The following MYO18B variants were observed in gnomAD, a reference collection of about 807,000 sequenced individuals.
The protein encoded by MYO18B is unconventional myosin-XVIIIb.
MYO18B carries 204 observed loss-of-function variants against 273.0 expected under a neutral mutation model. That is an observed-to-expected ratio of 0.75 (90% confidence interval 0.67 to 0.84). The LOEUF (loss-of-function observed/expected upper bound fraction) is 0.84. Among genes scored for constraint, MYO18B ranks in the 40% least tolerant of loss-of-function variants. MYO18B has a pLI of 0.00. For synonymous variants in MYO18B, 1,330 were observed against 1,305.7 expected, an observed-to-expected ratio of 1.02 and a Z score of -0.40; for missense variants, 3,212 against 3,287.6, an observed-to-expected ratio of 0.98 and a Z score of 0.56.
intron 42 of MYO18B, among the ~76,000 whole-genome samples, chr22:26,017,895 T>C (rs1202808929): frequency 6.6e-6 from 1 of 151,870 alleles, no homozygotes; most frequent in Non-Finnish European, 1.5e-5. Context: ...ATTAACATCT[T>C]GCATTACTCC....
Position 25,835,361 on chromosome 22 carries a change from A to C in MYO18B, c.3126A>C (p.Glu1042Asp), listed in dbSNP as rs1253367606. ...ARGLFWVLDE[E>D]VHVEGSSDSV... ...GCCTTTTCTGGGTCTTAGATGAGGA[A>C]GTCCATGTAGAGGGCTCCAGTGACA... The change falls in exon 17 of 44, where the codon GAA (glutamate) becomes GAC (aspartate). Residue 1042 changes from glutamate (E) to aspartate (D), a missense_variant. Glu to Asp is a conservative substitution (Grantham distance 45, BLOSUM62 2). Coordinates refer to ENST00000335473, the MANE Select transcript of MYO18B (RefSeq NM_032608.7). The C allele has an allele frequency of 6.2e-7, 1 of 1,613,980 alleles. No homozygotes were observed. Among genetic ancestry groups the C allele is most frequent in the Non-Finnish European group, 8.5e-7 (1 of 1,179,878 alleles).
intron 22 of MYO18B, among the ~76,000 whole-genome samples, chr22:25,873,053 C>G (rs2091090997): frequency 6.6e-6 from 1 of 152,140 alleles, no homozygotes; most frequent in African/African-American, 2.4e-5. Context: ...CCAGAGCTAC[C>G]CTTGCGCATT....
chr22:25,778,460 A>G (rs981575728), intron 8 of MYO18B, among the ~76,000 whole-genome samples: 2 of 152,000 alleles, frequency 1.3e-5, no homozygotes, highest in Non-Finnish European at 2.9e-5. Flanking sequence ...ACCAGGCCCT[A>G]TTCTAAGGAT....
At chr22:26,023,001 C>T (rs1376227473) in intron 42 of MYO18B, among the ~76,000 whole-genome samples, 1 of 152,234 alleles carries the variant, frequency 6.6e-6, no homozygotes, top group Admixed American at 6.5e-5. Context: ...TCGCCATGGA[C>T]CCCAGCCTAT....
intron 24 of MYO18B, among the ~76,000 whole-genome samples, chr22:25,877,614 A>G (rs1440164059): frequency 6.6e-6 from 1 of 152,084 alleles, no homozygotes; most frequent in Non-Finnish European, 1.5e-5. Context: ...GATCTCAGGC[A>G]TGCACCACCA....
chr22:25,746,676 A>T (rs980480683), intron 1 of MYO18B, among the ~76,000 whole-genome samples: 1 of 152,226 alleles, frequency 6.6e-6, no homozygotes, highest in African/African-American at 2.4e-5. Context: ...GCTGTCCAAC[A>T]TGGTAGCCAT....
the MYO18B span, among the ~76,000 whole-genome samples, chr22:26,053,991 A>T: frequency 6.6e-6 from 1 of 152,180 alleles, no homozygotes; most frequent in African/African-American, 2.4e-5. Flanking sequence ...ACACTGATGA[A>T]AAAGTCTAGG....
chr22:26,041,514 A>G, the MYO18B span, among the ~76,000 whole-genome samples: 1 of 152,180 alleles, frequency 6.6e-6, no homozygotes, highest in Non-Finnish European at 1.5e-5. Flanking sequence ...CCTAGGCAAC[A>G]GAGTGAGGCT....
chr22:25,888,250 C>T (rs1052431743), intron 25 of MYO18B, among the ~76,000 whole-genome samples: 6 of 151,982 alleles, frequency 3.9e-5, no homozygotes, highest in African/African-American at 7.3e-5. Context: ...GTCTGAGAGT[C>T]CTATAATTTG....
At position 25,761,106 on chromosome 22, in the gene MYO18B, C is replaced by G; in HGVS notation, c.14C>G (p.Ser5Ter). MAIS[S>*]RLALWEQKIR... The stretch of plus-strand genomic sequence containing the variant: ...CACTGCCTCAGCATGGCCATCTCAT[C>G]ACGCCTCGCCCTGTGGGAGCAGAAG... Residue 5 changes from serine (S) to a stop codon, truncating the protein, a stop_gained, in exon 2 of 44, where the codon TCA (serine) becomes TGA (stop). Transcript: ENST00000335473. LOFTEE classifies it high-confidence loss of function. 4 of 1,613,546 alleles carry G rather than the reference C, an allele frequency of 2.5e-6. No homozygotes were observed. The highest frequency in any genetic ancestry group is 3.4e-6 in the Non-Finnish European group (4 of 1,179,890).
At chr22:26,061,638 G>A in the MYO18B span, among the ~76,000 whole-genome samples, 20 of 150,720 alleles carry the variant, frequency 1.3e-4, no homozygotes, top group Admixed American at 2.6e-4. Flanking sequence ...GCCGAGAAAC[G>A]TCATCTACCA....
chr22:25,990,636 G>C lies in MYO18B; in HGVS notation c.6157-1727G>C, dbSNP rs147868435. Among the ~76,000 whole-genome samples the C allele has an allele frequency of 6.3e-3, 840 of 133,470 alleles. 7 individuals carry two copies. The highest frequency in any genetic ancestry group is 0.021 in the African/African-American group (801 of 37,836). The allele number at this position is 133,470 out of a possible 152,430, so 87.6% of individuals were successfully genotyped here. Reference sequence around the variant, plus strand: ...CGGGAGGTGGAGGTTGCAGTGAGCTGAGATCATGCCACTGCACTCCAGGCT... The same window carrying C: ...CGGGAGGTGGAGGTTGCAGTGAGCTCAGATCATGCCACTGCACTCCAGGCT... On this transcript the variant is annotated intron_variant, in intron 39 of 43. Coordinates refer to ENST00000335473, the MANE Select transcript of MYO18B (RefSeq NM_032608.7).
chr22:26,013,344 T>A (rs1049363503), intron 42 of MYO18B, among the ~76,000 whole-genome samples: 3 of 152,144 alleles, frequency 2.0e-5, no homozygotes, highest in Non-Finnish European at 4.4e-5. Context: ...CCACATAGAA[T>A]TATCGGGTCC....
chr22:25,985,454 C>T (rs1040897854), intron 39 of MYO18B, among the ~76,000 whole-genome samples: 1 of 152,130 alleles, frequency 6.6e-6, no homozygotes, highest in Non-Finnish European at 1.5e-5. Flanking sequence ...AGAATGATGA[C>T]CAACTTCTTC....
At position 25,841,291 on chromosome 22, in the gene MYO18B, G is replaced by C. The variant is rs556576781; in HGVS notation, c.3209-2444G>C. ...CTGTGAGAGAGATATGCTGGATAAGGCTCCATCTTCCAGAAGTATCCATGG... is the reference window on the plus strand; with the variant it reads ...CTGTGAGAGAGATATGCTGGATAAGCCTCCATCTTCCAGAAGTATCCATGG... On this transcript the variant is annotated intron_variant, in intron 17 of 43. Coordinates refer to ENST00000335473, the MANE Select transcript of MYO18B (RefSeq NM_032608.7). 1.1e-3 allele frequency among the ~76,000 whole-genome samples: 163 copies of C among 152,324 alleles called. 1 individual carries two copies. The highest frequency in any genetic ancestry group is 3.9e-3 in the African/African-American group (161 of 41,572).
chr22:25,979,840 C>T (rs1008125319), intron 39 of MYO18B, among the ~76,000 whole-genome samples: 2 of 152,102 alleles, frequency 1.3e-5, no homozygotes, highest in African/African-American at 4.8e-5. Context: ...GAGCCTTAGC[C>T]ACCTTCTCCA....
chr22:25,781,670 G>A, intron 9 of MYO18B, 64 bp from the exon 10 acceptor site: 3 of 1,048,962 alleles, frequency 2.9e-6, no homozygotes, highest in Non-Finnish European at 2.6e-6. Context: ...CTGGGTAGCT[G>A]CACTTCAGGC....
intron 19 of MYO18B, 65 bp from the exon 20 acceptor site, chr22:25,847,364 AG>A: frequency 7.1e-7 from 1 of 1,404,610 alleles, no homozygotes; most frequent in Non-Finnish European, 9.8e-7. Context: ...ATATTTGGAG[AG>A]GGTCCAGTCC....
chr22:25,989,626 C>CAAAAAAAAA (rs56004208), intron 39 of MYO18B, among the ~76,000 whole-genome samples: 5 of 88,592 alleles, frequency 5.6e-5, no homozygotes, highest in Non-Finnish European at 6.1e-5. Flanking sequence ...ACTAAAAATA[C>CAAAAAAAAA]AAAAAAAAAA....
Sources: allele counts gnomAD v4.1 joint callset (sites outside exome capture counted in the v4.1 genomes callset), GRCh38; gene constraint gnomAD v4.1.1; transcripts MANE v1.5; gene names NCBI Gene and HGNC (gene_info 2026-07-23, HGNC 2026-07-21).